DTNA: variants seen among roughly 807,000 people sequenced by gnomAD.
DTNA encodes dystrophin-related protein 3.
A neutral mutation model predicts 100.7 loss-of-function variants in DTNA; 43 were observed. The ratio of observed to expected loss-of-function variants is 0.43; its 90% CI spans 0.33 to 0.55. DTNA has a LOEUF of 0.55. DTNA is among the 20% of genes least tolerant of loss of function. The pLI, the probability that DTNA is intolerant of heterozygous loss-of-function variation, is 0.04. For synonymous variants in DTNA, 349 were observed against 347.9 expected (o/e 1.00, Z -0.04); for missense variants, 798 against 953.9 (o/e 0.84, Z 2.15).
chr18:34,753,361 A>ATTTATTTTTTTTT (rs1568412397), intron 1 of DTNA, among the ~76,000 whole-genome samples: 4 of 96,890 alleles, frequency 4.1e-5, no homozygotes, highest in African/African-American at 2.1e-4. Context: ...TTATTTATTT[A>ATTTATTTTTTTTT]TTTTATTTTT....
At chr18:34,706,783 G>A (rs1489730592), upstream of DTNA, among the ~76,000 whole-genome samples, 1 of 152,144 alleles carries the variant, frequency 6.6e-6, no homozygotes. Context: ...AATTGAGATG[G>A]CTTGCAACAG....
At chr18:34,705,533 C>G (rs2082007299), upstream of DTNA, among the ~76,000 whole-genome samples, 1 of 152,154 alleles carries the variant, frequency 6.6e-6, no homozygotes, top group African/African-American at 2.4e-5. Flanking sequence ...TAATTTCATG[C>G]TGGAACTTTA....
chr18:34,637,556 C>T (rs372617346), intron 1 of DTNA, among the ~76,000 whole-genome samples: 1 of 152,156 alleles, frequency 6.6e-6, no homozygotes, highest in Non-Finnish European at 1.5e-5. Flanking sequence ...TAAAAATTTG[C>T]TTAGCTCTTA....
At chr18:34,556,428 G>A (rs1201599316) in intron 1 of DTNA, among the ~76,000 whole-genome samples, 1 of 150,654 alleles carries the variant, frequency 6.6e-6, no homozygotes, top group Non-Finnish European at 1.5e-5. Flanking sequence ...GTTAGCTGGT[G>A]ATTTTGCTCG....
chr18:34,512,833 T>C (rs2144960819), intron 1 of DTNA, among the ~76,000 whole-genome samples: 1 of 152,202 alleles, frequency 6.6e-6, no homozygotes, highest in African/African-American at 2.4e-5. Context: ...GTTTACCAGA[T>C]TTTGCATATT....
chr18:34,888,202 T>C lies in DTNA; in HGVS notation c.*468T>C. On this transcript the variant is annotated 3_prime_UTR_variant, in exon 23 of 23. Coordinates refer to ENST00000444659, the MANE Select transcript of DTNA (RefSeq NM_001386795.1). ...ACAATGACAATATTAATACTGTTTA[T>C]AGCTAGAAGTTTGATTTCTGAATTC... The C allele has an allele frequency of 6.1e-6, 6 of 985,892 alleles. No individual in the cohort carries two copies. The highest frequency in any genetic ancestry group is 7.2e-6 in the Non-Finnish European group (6 of 829,934). 61.1% of individuals were successfully genotyped at this position (985,892 alleles called of 1,614,324 possible).
intron 1 of DTNA, among the ~76,000 whole-genome samples, chr18:34,503,490 T>C (rs2040164052): frequency 6.6e-6 from 1 of 151,834 alleles, no homozygotes; most frequent in Non-Finnish European, 1.5e-5. Context: ...GGTTCCACCT[T>C]AGCCAGGATG....
chr18:34,552,130 A>C (rs552318334), intron 1 of DTNA, among the ~76,000 whole-genome samples: 2 of 152,146 alleles, frequency 1.3e-5, no homozygotes, highest in African/African-American at 4.8e-5. Flanking sequence ...TCCTATGTTT[A>C]AATTTTCTTC....
intron 20 of DTNA, among the ~76,000 whole-genome samples, chr18:34,881,303 G>A (rs968349319): frequency 6.6e-6 from 1 of 152,086 alleles, no homozygotes; most frequent in African/African-American, 2.4e-5. Flanking sequence ...CTATGATTTA[G>A]GTAGTGAGTT....
intron 1 of DTNA, among the ~76,000 whole-genome samples, chr18:34,629,594 G>A (rs1173936137): frequency 6.6e-6 from 1 of 152,174 alleles, no homozygotes; most frequent in African/African-American, 2.4e-5. Context: ...GTCGTAGTGA[G>A]ATATTTTCAG....
At chr18:34,703,415 C>T (rs902900998) in intron 1 of DTNA, among the ~76,000 whole-genome samples, 8 of 152,162 alleles carry the variant, frequency 5.3e-5, no homozygotes, top group Non-Finnish European at 1.2e-4. Context: ...CATCTATTCA[C>T]CATTATTTTC....
intron 1 of DTNA, among the ~76,000 whole-genome samples, chr18:34,494,641 G>T (rs2038977557): frequency 6.6e-6 from 1 of 151,920 alleles, no homozygotes. Context: ...AAAGATAACT[G>T]TAGAACTTGG....
chr18:34,606,511 G>C (rs558075218), intron 1 of DTNA, among the ~76,000 whole-genome samples: 1 of 152,210 alleles, frequency 6.6e-6, no homozygotes, highest in African/African-American at 2.4e-5. Flanking sequence ...CTGAATCTCA[G>C]CATTATACTC....
chr18:34,842,903 G>T (rs2149786425), intron 13 of DTNA, among the ~76,000 whole-genome samples: 1 of 152,202 alleles, frequency 6.6e-6, no homozygotes, highest in African/African-American at 2.4e-5. Flanking sequence ...TTAGTTGGTT[G>T]GTTGGTGGCT....
chr18:34,617,804 A>G (rs2055624393), intron 1 of DTNA, among the ~76,000 whole-genome samples: 1 of 152,184 alleles, frequency 6.6e-6, no homozygotes, highest in South Asian at 2.1e-4. Flanking sequence ...TGCACACTTA[A>G]AAGACTACAG....
At chr18:34,821,146 G>A (rs1367696202) in intron 9 of DTNA, 1 of 666,512 alleles carries the variant, frequency 1.5e-6, no homozygotes, top group Middle Eastern at 2.4e-4. Context: ...ACCTGGAGGT[G>A]GAAAATATTT....
chr18:34,667,266 AT>A (rs2076068492), intron 1 of DTNA, among the ~76,000 whole-genome samples: 1 of 152,086 alleles, frequency 6.6e-6, no homozygotes, highest in Admixed American at 6.6e-5. Flanking sequence ...TTTTTGCACA[AT>A]GATTTTGTAT....
intron 13 of DTNA, among the ~76,000 whole-genome samples, chr18:34,841,135 A>G (rs1308924906): frequency 6.6e-6 from 1 of 152,108 alleles, no homozygotes. Flanking sequence ...AGACAAGTAA[A>G]GGTATCATTT....
Position 34,875,302 on chromosome 18 carries a change from C to T in DTNA, c.1807C>T (p.Pro603Ser). ...CACCATCAGCAGGCCAATTCCCATG[C>T]CCATCCGGTCAGCGTCAGCCTGCTC... ...SHTISRPIPM[P>S]IRSASACSTP... The change falls in exon 18 of 23, where the codon CCC becomes TCC. Residue 603 changes from proline to serine, a missense_variant. This residue lies in a region of DTNA where 242 missense variants were observed against 238.2 expected (regional missense o/e 1.02). Coordinates refer to ENST00000444659, the MANE Select transcript of DTNA (RefSeq NM_001386795.1). The T allele has an allele frequency of 6.2e-7, 1 of 1,614,230 alleles. No individual in the cohort carries two copies. The highest frequency in any genetic ancestry group is 1.3e-5 in the African/African-American group (1 of 75,056).
Sources: gnomAD v4.1 joint callset for allele counts (sites outside exome capture counted in the v4.1 genomes callset) on GRCh38, gnomAD v4.1.1 for gene constraint, gnomAD v4.1.1 regional missense constraint, MANE v1.5 for transcripts, NCBI Gene and HGNC (gene_info 2026-07-23, HGNC 2026-07-21) for gene names.